Variants in CLCN1 observed in about 807,000 individuals in gnomAD.
The protein encoded by CLCN1 is chloride channel protein 1.
In CLCN1, 100 loss-of-function variants were observed where a neutral mutation model predicts 114.5. The ratio of observed to expected loss-of-function variants is 0.87; its 90% CI spans 0.74 to 1.03. The LOEUF (loss-of-function observed/expected upper bound fraction) is 1.03, where lower values mean the gene tolerates loss of function less well. CLCN1 is among the 50% of genes least tolerant of loss of function. CLCN1 has a pLI of 0.00. For missense variants in CLCN1, 1,188 were observed against 1,250.0 expected (o/e 0.95, Z 0.75); for synonymous variants, 485 against 487.1 (o/e 1.00, Z 0.06).
chr7:143,350,562 C>T lies in CLCN1; in HGVS notation c.2509-6C>T. 1 of 1,613,842 alleles carries T rather than the reference C, an allele frequency of 6.2e-7. No individual in the cohort carries two copies. Among genetic ancestry groups the T allele is most frequent in the Non-Finnish European group, 8.5e-7 (1 of 1,179,754 alleles). On this transcript the variant is annotated splice_polypyrimidine_tract_variant and splice_region_variant and intron_variant, in intron 21 of 22. Transcript: ENST00000343257. This position sits in a 1 kb window ranked among gnomAD's most constrained non-coding sequence, Gnocchi z 5.1. ...ACATGCACTGACCTGTGCTCTTCAT[C>T]CTCAGACTCATACCCTGTTTTCACT...
chr7:143,332,594 C>G, intron 11 of CLCN1, 91 bp downstream of exon 11: 1 of 1,508,546 alleles, frequency 6.6e-7, no homozygotes, highest in Non-Finnish European at 9.2e-7. Context: ...CAAGGATAGA[C>G]TTTCTAGATT....
intron 7 of CLCN1, among the ~76,000 whole-genome samples, chr7:143,325,770 G>A (rs979920123): frequency 6.6e-6 from 1 of 152,186 alleles, no homozygotes; most frequent in Non-Finnish European, 1.5e-5. Context: ...TTTCTGAGAA[G>A]AATCAGAAAA....
intron 3 of CLCN1, 72 bp downstream of exon 3, chr7:143,320,867 C>A (rs7800971): frequency 2.5e-6 from 4 of 1,578,264 alleles, no homozygotes; most frequent in Non-Finnish European, 3.5e-6. Flanking sequence ...GGTGTGTTAT[C>A]GGAAGCGAAT....
intron 19 of CLCN1, 39 bp downstream of exon 19, chr7:143,346,697 GCCTGC>G: frequency 6.5e-7 from 1 of 1,540,488 alleles, no homozygotes; most frequent in Non-Finnish European, 9.0e-7. Flanking sequence ...GGGAAAGGGA[GCCTGC>G]CCTTGAAGAG....
At chr7:143,325,922 G>A (rs1586490787) in intron 7 of CLCN1, among the ~76,000 whole-genome samples, 1 of 152,176 alleles carries the variant, frequency 6.6e-6, no homozygotes, top group Non-Finnish European at 1.5e-5. Flanking sequence ...AAATTGTTAA[G>A]TACTTAAAAA....
intron 12 of CLCN1, among the ~76,000 whole-genome samples, chr7:143,333,412 C>T (rs113642685): frequency 6.6e-6 from 1 of 152,106 alleles, no homozygotes; most frequent in African/African-American, 2.4e-5. Context: ...GTTATCTAAC[C>T]CTTCTAATTG....
chr7:143,321,224 T>C lies in CLCN1; in HGVS notation c.434-141T>C. ...TCGCCTCCATAACTCAGGCTTCCCA[T>C]GTGTCAAATGAGAGCAGCACCATCT... is the stretch of plus-strand genomic sequence containing the variant. On this transcript the variant is annotated intron_variant, in intron 3 of 22. Transcript: ENST00000343257. This position sits in a 1 kb window ranked among gnomAD's most constrained non-coding sequence, Gnocchi z 4.2. 5.1e-6 allele frequency: 5 copies of C among 984,806 alleles called. No homozygotes were observed. In the Admixed American group the frequency reaches 1.0e-4, roughly 20 times the overall value. 61.0% of individuals were successfully genotyped at this position (984,806 alleles called of 1,614,324 possible).
At position 143,339,383 on chromosome 7, in the gene CLCN1, A is replaced by T; in HGVS notation, c.1471+61A>T. 7.0e-7 allele frequency: 1 copy of T among 1,434,804 alleles called. No homozygotes were observed. Among genetic ancestry groups the T allele is most frequent in the Middle Eastern group, 1.8e-4 (1 of 5,676 alleles). 88.9% of individuals were successfully genotyped at this position (1,434,804 alleles called of 1,614,324 possible). ...AGTTGCAATCTAGGATACAGGAAAC[A>T]TAAGGAAAGGCCCGGGATGCTGGGA... On this transcript the variant is annotated intron_variant, in intron 13 of 22. Transcript: ENST00000343257. This position sits in a 1 kb window ranked among gnomAD's most constrained non-coding sequence, Gnocchi z 4.1.
intron 14 of CLCN1, among the ~76,000 whole-genome samples, chr7:143,341,428 G>A (rs532757407): frequency 2.6e-4 from 39 of 151,958 alleles, no homozygotes; most frequent in Non-Finnish European, 4.9e-4. Flanking sequence ...GTGTGTTGGT[G>A]CATGCCTGTA....
chr7:143,346,293 G>A lies in CLCN1; in HGVS notation c.2284+42G>A, dbSNP rs79078881. Reference sequence around the variant, plus strand: ...ATGCACCCCAACTCACCCCTTGTGGGTTCTCTCTGGTCACTAGGACCTGAC... The same window carrying A: ...ATGCACCCCAACTCACCCCTTGTGGATTCTCTCTGGTCACTAGGACCTGAC... On this transcript the variant is annotated intron_variant, in intron 18 of 22. Coordinates refer to ENST00000343257, the MANE Select transcript of CLCN1 (RefSeq NM_000083.3). 6.4e-3 allele frequency: 8,466 copies of A among 1,321,984 alleles called. 51 individuals carry two copies. Among genetic ancestry groups the A allele is most frequent in the Non-Finnish European group, 6.7e-3 (6,199 of 920,244 alleles). The allele number at this position is 1,321,984 out of a possible 1,614,324, so 81.9% of individuals were successfully genotyped here.
chr7:143,333,622 G>A (rs1276309898), intron 12 of CLCN1, among the ~76,000 whole-genome samples: 1 of 152,012 alleles, frequency 6.6e-6, no homozygotes, highest in Non-Finnish European at 1.5e-5. Flanking sequence ...CCCCGGTTTT[G>A]TAGATAATCT....
chr7:143,318,275 T>G (rs1802339749), intron 1 of CLCN1, among the ~76,000 whole-genome samples: 1 of 152,194 alleles, frequency 6.6e-6, no homozygotes, highest in African/African-American at 2.4e-5. Flanking sequence ...CAGGCTGGAA[T>G]GCAATGGCGC....
intron 14 of CLCN1, 88 bp from the exon 15 acceptor site, chr7:143,341,841 T>C: frequency 9.9e-7 from 1 of 1,011,828 alleles, no homozygotes; most frequent in East Asian, 2.5e-5. Flanking sequence ...ATGTCTCTCA[T>C]TCCGTGTTAT....
Position 143,324,423 on chromosome 7 carries a change from T to C in CLCN1, c.784T>C (p.Tyr262His). The C allele has an allele frequency of 6.2e-7, 1 of 1,613,724 alleles. No homozygotes were observed. Among genetic ancestry groups the C allele is most frequent in the Non-Finnish European group, 8.5e-7 (1 of 1,179,776 alleles). Residue 262 changes from tyrosine (Y) to histidine (H), a missense_variant, in exon 7 of 23, where the codon TAC becomes CAC. Tyr to His is a moderately conservative substitution (Grantham distance 83, BLOSUM62 2). Transcript: ENST00000343257. This position sits in a 1 kb window ranked among gnomAD's most constrained non-coding sequence, Gnocchi z 4.6. ...VFCGVYEQPY[Y>H]YSDILTVGCA... Reference sequence around the variant, plus strand: ...GTCTCTCCCCTAGTAGCAGCCATACTACTACTCTGATATCCTGACGGTGGG... The same window carrying C: ...GTCTCTCCCCTAGTAGCAGCCATACCACTACTCTGATATCCTGACGGTGGG...
intron 11 of CLCN1, 92 bp downstream of exon 11, chr7:143,332,595 T>A: frequency 6.6e-7 from 1 of 1,514,118 alleles, no homozygotes; most frequent in Non-Finnish European, 9.2e-7. Flanking sequence ...AAGGATAGAC[T>A]TTCTAGATTC....
intron 12 of CLCN1, among the ~76,000 whole-genome samples, chr7:143,334,508 A>G (rs1476322733): frequency 1.3e-5 from 2 of 152,220 alleles, no homozygotes; most frequent in Non-Finnish European, 2.9e-5. Context: ...TTAAGCATTT[A>G]CTATGTGCCA....
chr7:143,324,701 A>G lies in CLCN1; in HGVS notation c.853+209A>G, dbSNP rs1454725260. On this transcript the variant is annotated intron_variant, in intron 7 of 22. Coordinates refer to ENST00000343257, the MANE Select transcript of CLCN1 (RefSeq NM_000083.3). This position sits in a 1 kb window ranked among gnomAD's most constrained non-coding sequence, Gnocchi z 4.6. ...TATGAGACAGATATTACAGAGGAGG[A>G]AGAGGAGAGAACTGAGTTACAGAGA... 6.6e-6 allele frequency among the ~76,000 whole-genome samples: 1 copy of G among 152,208 alleles called. No individual in the cohort carries two copies. Among genetic ancestry groups the G allele is most frequent in the Non-Finnish European group, 1.5e-5 (1 of 68,036 alleles).
At chr7:143,330,746 C>T (rs368254261) in intron 7 of CLCN1, 26 bp from the exon 8 acceptor site, 120 of 1,613,598 alleles carry the variant, frequency 7.4e-5, no homozygotes, top group Non-Finnish European at 9.3e-5. Flanking sequence ...CTGGCTGCCC[C>T]CAACCACACT....
intron 14 of CLCN1, among the ~76,000 whole-genome samples, chr7:143,340,480 G>A (rs1295141576): frequency 6.6e-6 from 1 of 151,912 alleles, no homozygotes; most frequent in Non-Finnish European, 1.5e-5. Context: ...TGCTTTCTTG[G>A]TTGCTCTCTC....
Sources: allele counts gnomAD v4.1 joint callset (sites outside exome capture counted in the v4.1 genomes callset), GRCh38; gene constraint gnomAD v4.1.1; non-coding constraint Gnocchi (gnomAD v3.1); transcripts MANE v1.5; gene names NCBI Gene and HGNC (gene_info 2026-07-23, HGNC 2026-07-21).